The following OSBPL10 variants were observed in gnomAD, a reference collection of about 807,000 sequenced individuals.
The protein encoded by OSBPL10 is oxysterol-binding protein-related protein 10.
In OSBPL10, 49 loss-of-function variants were observed where a neutral mutation model predicts 81.7. That is an observed-to-expected ratio of 0.60 (90% CI 0.48 to 0.76). The LOEUF (loss-of-function observed/expected upper bound fraction) is 0.76. OSBPL10 is among the 30% of genes least tolerant of loss of function. The pLI is 0.00. For synonymous variants in OSBPL10, 419 were observed against 383.6 expected (o/e 1.09, Z -1.08); for missense variants, 923 against 987.8 (o/e 0.93, Z 0.88).
chr3:31,698,589 G>A (rs1347565237), intron 7 of OSBPL10, among the ~76,000 whole-genome samples: 4 of 152,090 alleles, frequency 2.6e-5, no homozygotes, highest in African/African-American at 9.7e-5. Flanking sequence ...ATAACCTGCT[G>A]TCTCACCAAC....
Position 31,961,047 on chromosome 3 carries a change from CTTTTT to C in OSBPL10, c.281+19847_281+19851del, listed in dbSNP as rs35027814. On this transcript the variant is annotated intron_variant, in intron 1 of 11. Transcript: ENST00000396556. ...CAATGTTTAACCAAGAAGCTACAGC[CTTTTT>C]TTTTTTTTTTTTTTTTTTAACTTGC... Among the ~76,000 whole-genome samples, 402 of 112,964 alleles carry C rather than the reference CTTTTT, an allele frequency of 3.6e-3. 2 individuals carry two copies. The highest frequency in any genetic ancestry group is 0.011 in the African/African-American group (342 of 30,332). The allele number at this position is 112,964 out of a possible 152,430, so 74.1% of individuals were successfully genotyped here.
Position 31,816,618 on chromosome 3 carries a change from T to C in OSBPL10, c.729+13422A>G, listed in dbSNP as rs542886655. ...GTAGCTCATGCTGTTAGTGGCTCCC[T>C]AAGGTGTCCCTTTTCTTCCTGGAAA... On this transcript the variant is annotated intron_variant, in intron 4 of 11. Transcript: ENST00000396556. Among the ~76,000 whole-genome samples, 3 of 152,316 alleles carry C rather than the reference T, an allele frequency of 2.0e-5. No individual in the cohort carries two copies. The East Asian group carries it at 5.8e-4, about 29-fold the overall frequency.
intron 5 of OSBPL10, 75 bp downstream of exon 5, chr3:31,747,835 A>G (rs1697573403): frequency 7.0e-7 from 1 of 1,434,794 alleles, no homozygotes; most frequent in East Asian, 2.3e-5. Context: ...GATGGAATTA[A>G]AGGAGGAAGA....
intron 1 of OSBPL10, among the ~76,000 whole-genome samples, chr3:32,046,982 T>C (rs777542263): frequency 6.6e-6 from 1 of 152,138 alleles, no homozygotes; most frequent in Non-Finnish European, 1.5e-5. Flanking sequence ...GGTAAGTCCA[T>C]AGAGTCTAGT....
chr3:31,820,144 C>T (rs1048036126), intron 4 of OSBPL10, among the ~76,000 whole-genome samples: 1 of 152,150 alleles, frequency 6.6e-6, no homozygotes, highest in African/African-American at 2.4e-5. Flanking sequence ...ATCTACCTCA[C>T]AGAGTTGACT....
chr3:31,965,765 GAT>G (rs1446823965), intron 1 of OSBPL10, among the ~76,000 whole-genome samples: 1 of 45,498 alleles, frequency 2.2e-5, no homozygotes. Context: ...TATATTAAAA[GAT>G]AATATATATT....
intron 5 of OSBPL10, among the ~76,000 whole-genome samples, chr3:31,738,317 C>A (rs1408384308): frequency 6.7e-6 from 1 of 150,270 alleles, no homozygotes; most frequent in Non-Finnish European, 1.5e-5. Flanking sequence ...AGTTTGGCAA[C>A]ATTTTTGAAT....
chr3:31,876,481 C>T lies in OSBPL10; in HGVS notation c.489G>A (p.Val163=). 1 of 1,613,654 alleles carries T rather than the reference C, an allele frequency of 6.2e-7. No individual in the cohort carries two copies. The highest frequency in any genetic ancestry group is 8.5e-7 in the Non-Finnish European group (1 of 1,179,588). ...AADAKEKQFW[V]TQLRACAKYH... is the part of the protein sequence containing the mutation. ...ATTTGGCACAAGCTCGAAGCTGAGT[C>T]ACCCAGAATTGTTTCTCTTTTGCAT... The change falls in exon 3 of 12, where the codon GTG becomes GTA. Residue 163 remains valine (V), a synonymous_variant. Coordinates refer to ENST00000396556, the MANE Select transcript of OSBPL10 (RefSeq NM_017784.5).
intron 11 of OSBPL10, chr3:31,663,226 T>A (rs892911622): frequency 2.4e-5 from 24 of 984,780 alleles, no homozygotes; most frequent in Non-Finnish European, 2.9e-5. Context: ...TAAATTTTTT[T>A]AAATCTTTGA....
At chr3:31,903,947 C>G (rs1418748920) in intron 1 of OSBPL10, among the ~76,000 whole-genome samples, 1 of 152,148 alleles carries the variant, frequency 6.6e-6, no homozygotes, top group Non-Finnish European at 1.5e-5. Flanking sequence ...CCAGTGAACA[C>G]AGGTTTCCAG....
chr3:31,790,246 G>T (rs1039416781), intron 4 of OSBPL10, among the ~76,000 whole-genome samples: 2 of 152,118 alleles, frequency 1.3e-5, no homozygotes, highest in African/African-American at 2.4e-5. Context: ...TTTAAATATG[G>T]TAATACTCTG....
In OSBPL10 at chr3:31,812,819, A is replaced by G. The variant is rs962815164; in HGVS notation, c.729+17221T>C. Among the ~76,000 whole-genome samples the G allele has an allele frequency of 4.9e-4, 12 of 24,628 alleles. 1 individual carries two copies. The highest frequency in any genetic ancestry group is 5.0e-3 in the South Asian group (2 of 400). The allele number at this position is 24,628 out of a possible 152,430, so 16.2% of individuals were successfully genotyped here. On this transcript the variant is annotated intron_variant, in intron 4 of 11. Coordinates refer to ENST00000396556, the MANE Select transcript of OSBPL10 (RefSeq NM_017784.5). The stretch of plus-strand genomic sequence containing the variant: ...GAAAGAAAGAAAGAAAGAAAGAAAG[A>G]GAAAGAAAGAAAGAAAGAAAGAAAG...
At chr3:32,044,077 G>A (rs1449246618) in intron 2 of OSBPL10, among the ~76,000 whole-genome samples, 7 of 152,054 alleles carry the variant, frequency 4.6e-5, no homozygotes, top group Non-Finnish European at 4.4e-5. Flanking sequence ...GCCTGAACAT[G>A]TATCCCTTAA....
Position 31,683,876 on chromosome 3 carries a change from T to A in OSBPL10, c.1484A>T (p.Lys495Met), listed in dbSNP as rs771250733. ...ETFHCSWEVP[K>M]DRVKPKRTAS... The stretch of plus-strand genomic sequence containing the variant: ...AGTCCTCTTAGGCTTGACCCTGTCC[T>A]TGGGAACTTCCCAGGAGCAGTGAAA... Residue 495 changes from lysine to methionine, a missense_variant, in exon 8 of 12, where the codon AAG becomes ATG. By Grantham distance (95) the Lys-to-Met change is moderately conservative (BLOSUM62 -1). Transcript: ENST00000396556. The A allele has an allele frequency of 6.8e-6, 11 of 1,614,212 alleles. No homozygotes were observed. The highest frequency in any genetic ancestry group is 8.5e-6 in the Non-Finnish European group (10 of 1,180,034).
At chr3:31,985,333 G>GA (rs1698919425), upstream of OSBPL10, among the ~76,000 whole-genome samples, 6 of 152,146 alleles carry the variant, frequency 3.9e-5, no homozygotes, top group South Asian at 1.2e-3. Context: ...AAATCACTTA[G>GA]AAAAAATTTT....
At chr3:31,949,725 A>G (rs969337647) in intron 1 of OSBPL10, among the ~76,000 whole-genome samples, 7 of 151,254 alleles carry the variant, frequency 4.6e-5, no homozygotes, top group Non-Finnish European at 8.8e-5. Flanking sequence ...TACCTCACAG[A>G]ACAGACACAA....
chr3:32,044,741 C>CAAAAAA (rs34855965), intron 2 of OSBPL10, among the ~76,000 whole-genome samples: 19 of 67,040 alleles, frequency 2.8e-4, no homozygotes, highest in Admixed American at 4.1e-4. Context: ...AACTCCATCT[C>CAAAAAA]AAAAAAAAAA....
At chr3:31,870,651 A>G (rs767543176) in intron 3 of OSBPL10, among the ~76,000 whole-genome samples, 1 of 152,184 alleles carries the variant, frequency 6.6e-6, no homozygotes, top group Non-Finnish European at 1.5e-5. Flanking sequence ...GGCACTCTGT[A>G]TCTCGTTCAA....
intron 1 of OSBPL10, among the ~76,000 whole-genome samples, chr3:31,965,851 A>AT (rs1467396829): frequency 0.071 from 4,410 of 61,708 alleles, 800 homozygotes; most frequent in African/African-American, 0.29. Context: ...ATTATATAAA[A>AT]AGATAATATA....
Sources: gnomAD v4.1 joint callset for allele counts (sites outside exome capture counted in the v4.1 genomes callset) on GRCh38, gnomAD v4.1.1 for gene constraint, MANE v1.5 for transcripts, NCBI Gene and HGNC (gene_info 2026-07-23, HGNC 2026-07-21) for gene names.